The following IDI1 variants were observed in gnomAD, a reference collection of about 807,000 sequenced individuals.
IDI1 encodes isopentenyl-diphosphate Delta-isomerase 1.
A neutral mutation model predicts 32.9 loss-of-function variants in IDI1; 23 were observed. The observed-to-expected ratio is 0.70, with a 90% CI of 0.50 to 0.99. IDI1 has a LOEUF of 0.99. Among genes scored for constraint, IDI1 ranks in the 50% least tolerant of loss-of-function variants. The pLI, the probability that IDI1 is intolerant of heterozygous loss-of-function variation, is 0.00. For missense variants in IDI1, 326 were observed against 351.9 expected, an observed-to-expected ratio of 0.93 and a Z score of 0.59; for synonymous variants, 133 against 128.2, an observed-to-expected ratio of 1.04 and a Z score of -0.25.
At chr10:1,053,252 T>C (rs113913610), upstream of IDI1, among the ~76,000 whole-genome samples, 212 of 152,340 alleles carry the variant, frequency 1.4e-3, no homozygotes, top group African/African-American at 4.8e-3. Context: ...TCCACTTGCA[T>C]TGGCCTCCCA....
At chr10:1,046,070 TAC>T (rs1384797355) in intron 1 of IDI1, among the ~76,000 whole-genome samples, 4 of 152,242 alleles carry the variant, frequency 2.6e-5, no homozygotes, top group African/African-American at 9.6e-5. Flanking sequence ...TAGTTTTATA[TAC>T]AGTCATCCTT....
Position 1,049,009 on chromosome 10 carries a change from G to T in IDI1, c.-6C>A, listed in dbSNP as rs1282575714. 2 of 1,484,386 alleles carry T rather than the reference G, an allele frequency of 1.3e-6. No individual in the cohort carries two copies. Among genetic ancestry groups the T allele is most frequent in the Non-Finnish European group, 1.8e-6 (2 of 1,126,616 alleles). 92.0% of individuals were successfully genotyped at this position (1,484,386 alleles called of 1,614,324 possible). A position where few individuals can be genotyped will look rare whatever the true frequency, so the allele number is the denominator to read the frequency against. On this transcript the variant is annotated 5_prime_UTR_variant, in exon 1 of 5. Transcript: ENST00000381344. ...AGCGCCAGTCCACGCCACATCGCCC[G>T]GCCAATTGGCGCCCGTACGCGCTTG... is the stretch of plus-strand genomic sequence containing the variant.
At chr10:1,050,671 T>C (rs1175334898), upstream of IDI1, among the ~76,000 whole-genome samples, 1 of 152,220 alleles carries the variant, frequency 6.6e-6, no homozygotes, top group Non-Finnish European at 1.5e-5. Flanking sequence ...GAACCAGCCC[T>C]GGACAGGACG....
rs11556790 is a variant in IDI1, at chr10:1,042,763, C to G, written c.407-1G>C. On this transcript the variant is annotated splice_acceptor_variant, in intron 3 of 4. Transcript: ENST00000381344. LOFTEE classifies it high-confidence loss of function. The stretch of plus-strand genomic sequence containing the variant: ...CTACAACACGTATTCGTAAAACAAC[C>G]TGGAAAATGGTAATACAGAGACAGA... 6.2e-7 allele frequency: 1 copy of G among 1,613,330 alleles called. No homozygotes were observed. Among genetic ancestry groups the G allele is most frequent in the Non-Finnish European group, 8.5e-7 (1 of 1,179,656 alleles).
Position 1,039,475 on chromosome 10 carries a change from A to G in IDI1, c.*1712T>C, listed in dbSNP as rs1411761987. 6.6e-6 allele frequency: 1 copy of G among 152,232 alleles called. No homozygotes were observed. Among genetic ancestry groups the G allele is most frequent in the African/African-American group, 2.4e-5 (1 of 41,450 alleles). 9.4% of individuals were successfully genotyped at this position (152,232 alleles called of 1,614,324 possible). A position where few individuals can be genotyped will look rare whatever the true frequency, so the allele number is the denominator to read the frequency against. On this transcript the variant is annotated 3_prime_UTR_variant, in exon 5 of 5. Coordinates refer to ENST00000381344, the MANE Select transcript of IDI1 (RefSeq NM_004508.4). ...AAGATTAAGAGTTTAAAACAGTTTA[A>G]GAAAAAAAAAATTTATAGGTACCAT... is the stretch of plus-strand genomic sequence containing the variant.
At chr10:1,048,035 T>A (rs1832848905) in intron 1 of IDI1, among the ~76,000 whole-genome samples, 1 of 152,118 alleles carries the variant, frequency 6.6e-6, no homozygotes, top group African/African-American at 2.4e-5. Context: ...TCCGGGGGGA[T>A]GGGGCTGGGT....
chr10:1,045,781 CA>C (rs1832785064), intron 1 of IDI1, among the ~76,000 whole-genome samples: 1 of 152,162 alleles, frequency 6.6e-6, no homozygotes, highest in Non-Finnish European at 1.5e-5. Flanking sequence ...GAAATACTTT[CA>C]ACAGAGTTCA....
In IDI1 at chr10:1,049,031, C is replaced by G. The variant is rs1161399268; in HGVS notation, c.-28G>C. 5 of 1,466,422 alleles carry G rather than the reference C, an allele frequency of 3.4e-6. No individual in the cohort carries two copies. In the Admixed American group the frequency reaches 1.3e-4, roughly 37 times the overall value. 90.8% of individuals were successfully genotyped at this position (1,466,422 alleles called of 1,614,324 possible). On this transcript the variant is annotated 5_prime_UTR_variant, in exon 1 of 5. Transcript: ENST00000381344. ...CCCGGCCAATTGGCGCCCGTACGCG[C>G]TTGACGACACAATCTCGCCAAGCTT...
rs1395692257 is a variant in IDI1, at chr10:1,048,994, C to T, written c.10G>A (p.Gly4Arg). The change falls in exon 1 of 5, where the codon GGA (glycine) becomes AGA (arginine). Residue 4 changes from glycine to arginine, a missense_variant. Physicochemically the swap from Gly to Arg is moderately radical, Grantham distance 125. This residue lies in a region of IDI1 where 121 missense variants were observed against 78.4 expected (regional missense o/e 1.54). Coordinates refer to ENST00000381344, the MANE Select transcript of IDI1 (RefSeq NM_004508.4). MWR[G>R]LALARAIGCA... ...CCAATCGCTCGCGCCAGCGCCAGTC[C>T]ACGCCACATCGCCCGGCCAATTGGC... 2.0e-6 allele frequency: 3 copies of T among 1,506,366 alleles called. No individual in the cohort carries two copies. Among genetic ancestry groups the T allele is most frequent in the Non-Finnish European group, 1.8e-6 (2 of 1,135,456 alleles). 93.3% of individuals were successfully genotyped at this position (1,506,366 alleles called of 1,614,324 possible). A position where few individuals can be genotyped will look rare whatever the true frequency, so the allele number is the denominator to read the frequency against.
chr10:1,049,845 G>C (rs576224911), upstream of IDI1, among the ~76,000 whole-genome samples: 1 of 152,160 alleles, frequency 6.6e-6, no homozygotes, highest in Non-Finnish European at 1.5e-5. Context: ...GTAGAGACGG[G>C]TTTCCGCATG....
upstream of IDI1, among the ~76,000 whole-genome samples, chr10:1,050,984 C>G (rs1408389718): frequency 1.3e-5 from 2 of 152,216 alleles, no homozygotes; most frequent in African/African-American, 4.8e-5. Flanking sequence ...ACTACTACCC[C>G]AAAACACGAG....
chr10:1,042,118 T>A (rs1473018440), intron 4 of IDI1, among the ~76,000 whole-genome samples: 1 of 152,232 alleles, frequency 6.6e-6, no homozygotes, highest in Non-Finnish European at 1.5e-5. Flanking sequence ...GACATTTTTC[T>A]TTTTCATATT....
At chr10:1,053,095 G>C (rs1021304427), upstream of IDI1, among the ~76,000 whole-genome samples, 2 of 152,018 alleles carry the variant, frequency 1.3e-5, no homozygotes, top group African/African-American at 2.4e-5. Context: ...TCCAACTCCT[G>C]GGTTCAAGTG....
Position 1,048,851 on chromosome 10 carries a change from C to T in IDI1, c.140+13G>A. ...GCCCCTGTCTCCCGAACTCCGCCGC[C>T]CGTCCACAGTACCTGATCAGCCTCC... On this transcript the variant is annotated intron_variant, in intron 1 of 4. Coordinates refer to ENST00000381344, the MANE Select transcript of IDI1 (RefSeq NM_004508.4). 1 of 1,604,804 alleles carries T rather than the reference C, an allele frequency of 6.2e-7. No homozygotes were observed. Among genetic ancestry groups the T allele is most frequent in the Non-Finnish European group, 8.5e-7 (1 of 1,176,840 alleles).
chr10:1,053,943 A>C (rs1483939942), upstream of IDI1, among the ~76,000 whole-genome samples: 1 of 152,164 alleles, frequency 6.6e-6, no homozygotes, highest in Non-Finnish European at 1.5e-5. Flanking sequence ...AGGTCTGAGC[A>C]GAAGGAGAGA....
At chr10:1,052,593 CT>C (rs928816650), upstream of IDI1, among the ~76,000 whole-genome samples, 6 of 150,170 alleles carry the variant, frequency 4.0e-5, no homozygotes, top group East Asian at 2.0e-4. Flanking sequence ...GAAACGAAAT[CT>C]TTTTTTTTTC....
In IDI1 at chr10:1,048,845, C is replaced by G. The variant is rs1186648576; in HGVS notation, c.140+19G>C. 1 of 1,602,950 alleles carries G rather than the reference C, an allele frequency of 6.2e-7. No individual in the cohort carries two copies. Among genetic ancestry groups the G allele is most frequent in the Non-Finnish European group, 8.5e-7 (1 of 1,176,278 alleles). On this transcript the variant is annotated intron_variant, in intron 1 of 4. Transcript: ENST00000381344. ...CGCCCTGCCCCTGTCTCCCGAACTC[C>G]GCCGCCCGTCCACAGTACCTGATCA...
At chr10:1,055,192 C>A in the IDI1 span, among the ~76,000 whole-genome samples, 1 of 152,218 alleles carries the variant, frequency 6.6e-6, no homozygotes, top group Non-Finnish European at 1.5e-5. Flanking sequence ...TTATTTTTGA[C>A]TTTTGACGAG....
At chr10:1,048,045 T>C (rs547539494) in intron 1 of IDI1, among the ~76,000 whole-genome samples, 1 of 151,990 alleles carries the variant, frequency 6.6e-6, no homozygotes, top group African/African-American at 2.4e-5. Context: ...TGGGGCTGGG[T>C]CTTGCTATGT....
Sources: allele counts gnomAD v4.1 joint callset (sites outside exome capture counted in the v4.1 genomes callset), GRCh38; gene constraint gnomAD v4.1.1; regional missense constraint gnomAD v4.1.1; transcripts MANE v1.5; gene names NCBI Gene and HGNC (gene_info 2026-07-23, HGNC 2026-07-21).